PTPRD: variants seen among roughly 807,000 people sequenced by gnomAD.
PTPRD encodes protein tyrosine phosphatase receptor type D.
PTPRD carries 34 observed loss-of-function variants against 214.5 expected under a neutral mutation model. That is an observed-to-expected ratio of 0.16 (90% CI 0.12 to 0.21). The LOEUF is 0.21. Among genes scored for constraint, PTPRD ranks in the 10% least tolerant of loss-of-function variants. The pLI is 1.00. For synonymous variants in PTPRD, 1,128 were observed against 845.7 expected (o/e 1.33, Z -5.79); for missense variants, 2,545 against 2,398.7 (o/e 1.06, Z -1.27).
intron 17 of PTPRD, chr9:8,525,240 T>G (rs1474960529): frequency 1.4e-6 from 1 of 699,152 alleles, no homozygotes; most frequent in East Asian, 2.6e-5. Context: ...ACATCATCAA[T>G]GCTAGCATTA....
chr9:8,505,624 CAA>C (rs954059567), intron 22 of PTPRD, among the ~76,000 whole-genome samples: 9 of 55,746 alleles, frequency 1.6e-4, no homozygotes, highest in Middle Eastern at 8.2e-3. Flanking sequence ...GACTCTGTCT[CAA>C]AAAAAAAAAA....
intron 37 of PTPRD, among the ~76,000 whole-genome samples, chr9:8,382,988 G>C (rs931883297): frequency 6.6e-6 from 1 of 152,116 alleles, no homozygotes; most frequent in African/African-American, 2.4e-5. Context: ...AACCAGAAGG[G>C]CCAAGAATTA....
At chr9:8,371,458 A>G (rs1456835423) in intron 39 of PTPRD, among the ~76,000 whole-genome samples, 1 of 152,010 alleles carries the variant, frequency 6.6e-6, no homozygotes, top group East Asian at 1.9e-4. Context: ...CATATAGCTA[A>G]ACTTGCACAG....
chr9:9,846,838 C>G (rs1208991919), intron 5 of PTPRD, among the ~76,000 whole-genome samples: 1 of 152,006 alleles, frequency 6.6e-6, no homozygotes, highest in Admixed American at 6.6e-5. Context: ...CTGCCAAAAT[C>G]AACTTTGAAG....
chr9:8,481,637 C>T (rs1456589922), intron 30 of PTPRD, among the ~76,000 whole-genome samples: 1 of 152,168 alleles, frequency 6.6e-6, no homozygotes, highest in Non-Finnish European at 1.5e-5. Flanking sequence ...GTGTCCTCTA[C>T]TGGCTCTCTT....
intron 4 of PTPRD, among the ~76,000 whole-genome samples, chr9:9,941,626 T>C (rs1361368572): frequency 6.6e-6 from 1 of 152,102 alleles, no homozygotes; most frequent in African/African-American, 2.4e-5. Context: ...CCCAGCCAAA[T>C]GTGTATATCT....
chr9:9,899,469 C>G (rs565571750), intron 5 of PTPRD, among the ~76,000 whole-genome samples: 1 of 151,992 alleles, frequency 6.6e-6, no homozygotes, highest in Non-Finnish European at 1.5e-5. Context: ...CACAATTCAT[C>G]AGGGAAATGC....
rs560527660 is a variant in PTPRD, at chr9:9,868,746, A to C, written c.-368+69761T>G. Among the ~76,000 whole-genome samples, 8 of 152,130 alleles carry C rather than the reference A, an allele frequency of 5.3e-5. No individual in the cohort carries two copies. In the East Asian group the frequency reaches 1.5e-3, roughly 29 times the overall value. ...AAACTCCTGGAACAAAGAAAAATGA[A>C]ATCTTAAAAACTTTCAAACAGAAAG... is the stretch of plus-strand genomic sequence containing the variant. On this transcript the variant is annotated intron_variant, in intron 5 of 45. Transcript: ENST00000381196.
At chr9:10,129,532 C>T (rs1312438930) in intron 3 of PTPRD, among the ~76,000 whole-genome samples, 4 of 131,578 alleles carry the variant, frequency 3.0e-5, no homozygotes, top group Non-Finnish European at 6.4e-5. Context: ...TTATCTCACT[C>T]GTCTTTTCTT....
At chr9:8,456,501 C>T (rs2096208573) in intron 33 of PTPRD, among the ~76,000 whole-genome samples, 2 of 152,112 alleles carry the variant, frequency 1.3e-5, no homozygotes, top group Admixed American at 6.5e-5. Flanking sequence ...TACTCAGAAG[C>T]CAGAAAGCAG....
intron 3 of PTPRD, among the ~76,000 whole-genome samples, chr9:10,233,020 G>T (rs2099616951): frequency 6.6e-6 from 1 of 152,024 alleles, no homozygotes. Context: ...AATGTGTCAA[G>T]GTCGCCACAA....
intron 5 of PTPRD, among the ~76,000 whole-genome samples, chr9:9,772,175 G>C (rs1197781290): frequency 6.6e-6 from 1 of 152,038 alleles, no homozygotes; most frequent in African/African-American, 2.4e-5. Flanking sequence ...GAGGATGCTA[G>C]AACACAGCGA....
chr9:8,549,065 G>A (rs1327536857), intron 14 of PTPRD, among the ~76,000 whole-genome samples: 3 of 152,102 alleles, frequency 2.0e-5, no homozygotes, highest in Non-Finnish European at 4.4e-5. Context: ...TGTCAAGGGA[G>A]TGCAGTGAAG....
At chr9:10,066,336 C>T (rs968786362) in intron 3 of PTPRD, among the ~76,000 whole-genome samples, 4 of 151,666 alleles carry the variant, frequency 2.6e-5, no homozygotes, top group Non-Finnish European at 5.9e-5. Flanking sequence ...ATTTAACACC[C>T]GTTTCAATGG....
At chr9:9,365,406 AT>A (rs1233567583) in intron 9 of PTPRD, among the ~76,000 whole-genome samples, 9 of 151,710 alleles carry the variant, frequency 5.9e-5, no homozygotes, top group African/African-American at 2.2e-4. Context: ...GTCTTTATTC[AT>A]TCACCTCTAT....
At chr9:10,473,633 T>G (rs1017412580) in intron 2 of PTPRD, among the ~76,000 whole-genome samples, 7 of 152,096 alleles carry the variant, frequency 4.6e-5, no homozygotes, top group Non-Finnish European at 1.5e-5. Context: ...GTACATCATT[T>G]CTGATTGACA....
chr9:10,204,960 AT>A (rs879867821), intron 3 of PTPRD, among the ~76,000 whole-genome samples: 86 of 152,222 alleles, frequency 5.6e-4, no homozygotes, highest in Non-Finnish European at 9.6e-4. Context: ...TTATTCTATG[AT>A]TTTTTATAAG....
intron 2 of PTPRD, among the ~76,000 whole-genome samples, chr9:10,418,498 C>CACACACACACACAT (rs879881642): frequency 6.4e-5 from 9 of 141,620 alleles, no homozygotes; most frequent in African/African-American, 2.4e-4. Flanking sequence ...CACACACACA[C>CACACACACACACAT]TTCATATCCT....
At chr9:10,162,560 G>C (rs2099133552) in intron 3 of PTPRD, among the ~76,000 whole-genome samples, 1 of 150,068 alleles carries the variant, frequency 6.7e-6, no homozygotes, top group South Asian at 2.1e-4. Context: ...AGAGTAGAAG[G>C]GGTTGAAGAA....
Sources: gnomAD v4.1 joint callset for allele counts (sites outside exome capture counted in the v4.1 genomes callset) on GRCh38, gnomAD v4.1.1 for gene constraint, MANE v1.5 for transcripts, NCBI Gene and HGNC (gene_info 2026-07-23, HGNC 2026-07-21) for gene names.